The following CDK12 variants were observed in gnomAD, a reference collection of about 807,000 sequenced individuals.
CDK12 encodes cyclin-dependent kinase 12.
Under a neutral mutation model 133.8 loss-of-function variants are expected in CDK12, and 17 were observed. The observed-to-expected ratio is 0.13, with a 90% CI of 0.09 to 0.19. The LOEUF (loss-of-function observed/expected upper bound fraction) is 0.19, where lower values mean the gene tolerates loss of function less well. CDK12 is among the 10% of genes least tolerant of loss of function. The probability of loss-of-function intolerance (pLI) is 1.00; values close to 1 mark genes in which losing one functional copy is unlikely to be tolerated. For synonymous variants in CDK12, 694 were observed against 683.6 expected, an observed-to-expected ratio of 1.02 and a Z score of -0.24; for missense variants, 1,508 against 1,818.7, an observed-to-expected ratio of 0.83 and a Z score of 3.11.
At chr17:39,472,659 A>T (rs1422776990) in intron 2 of CDK12, among the ~76,000 whole-genome samples, 1 of 152,078 alleles carries the variant, frequency 6.6e-6, no homozygotes, top group Non-Finnish European at 1.5e-5. Context: ...TGTGGATATC[A>T]TGACACTTTA....
At chr17:39,499,396 T>A (rs2052548891) in intron 5 of CDK12, among the ~76,000 whole-genome samples, 2 of 150,394 alleles carry the variant, frequency 1.3e-5, no homozygotes, top group African/African-American at 4.9e-5. Context: ...TTTAGCAGAG[T>A]TAGGGTTTCA....
At chr17:39,530,537 G>T in intron 13 of CDK12, 67 bp from the exon 14 acceptor site, 1 of 1,513,500 alleles carries the variant, frequency 6.6e-7, no homozygotes, top group South Asian at 1.3e-5. Context: ...TGCACAGTGT[G>T]TGTGTTTGTG....
upstream of CDK12, chr17:39,546,570 C>T (rs896478872): frequency 6.6e-6 from 1 of 152,234 alleles, no homozygotes; most frequent in African/African-American, 2.4e-5. Flanking sequence ...TAGGGCAGTT[C>T]TGTCCCTTCT....
chr17:39,473,133 C>T (rs1219710997), intron 2 of CDK12, among the ~76,000 whole-genome samples: 3 of 151,712 alleles, frequency 2.0e-5, no homozygotes, highest in Non-Finnish European at 2.9e-5. Flanking sequence ...CCAGTAGCCC[C>T]CAAAATGTCT....
At position 39,532,470 on chromosome 17, in the gene CDK12, A is replaced by G. The variant is rs1025889878; in HGVS notation, c.*1154A>G. The stretch of plus-strand genomic sequence containing the variant: ...ACATATATTTTTATGTCAAAAAAAA[A>G]ACAAAAACCTTTCAAACAGAGCATT... On this transcript the variant is annotated 3_prime_UTR_variant, in exon 14 of 14. Coordinates refer to ENST00000447079, the MANE Select transcript of CDK12 (RefSeq NM_016507.4). 8.6e-6 allele frequency: 2 copies of G among 232,154 alleles called. No homozygotes were observed. The highest frequency in any genetic ancestry group is 1.7e-5 in the Non-Finnish European group (2 of 117,346). 14.4% of individuals were successfully genotyped at this position (232,154 alleles called of 1,614,324 possible). A position where few individuals can be genotyped will look rare whatever the true frequency, so the allele number is the denominator to read the frequency against.
chr17:39,520,491 A>G (rs1313765134), intron 11 of CDK12, among the ~76,000 whole-genome samples: 1 of 152,078 alleles, frequency 6.6e-6, no homozygotes, highest in East Asian at 1.9e-4. Flanking sequence ...GCAGGGTTCA[A>G]GCGATTCTCC....
At chr17:39,539,342 T>C (rs2055302423), downstream of CDK12, among the ~76,000 whole-genome samples, 1 of 152,366 alleles carries the variant, frequency 6.6e-6, no homozygotes, top group South Asian at 2.1e-4. Context: ...AGGAGATAAA[T>C]TCCTTTGGTG....
At chr17:39,522,293 G>T (rs1443718506) in intron 11 of CDK12, among the ~76,000 whole-genome samples, 1 of 151,924 alleles carries the variant, frequency 6.6e-6, no homozygotes, top group African/African-American at 2.4e-5. Flanking sequence ...CACCATATTG[G>T]TGAGACTGGT....
chr17:39,474,886 T>C (rs964060596), intron 2 of CDK12, among the ~76,000 whole-genome samples: 10 of 149,498 alleles, frequency 6.7e-5, no homozygotes, highest in African/African-American at 2.5e-4. Flanking sequence ...CAGGCTGGAG[T>C]GCAATGGCGC....
At chr17:39,560,420 A>G (rs2056332300) in intron 3 of CDK12, among the ~76,000 whole-genome samples, 1 of 152,178 alleles carries the variant, frequency 6.6e-6, no homozygotes, top group African/African-American at 2.4e-5. Flanking sequence ...TAATTATTAA[A>G]CTTCTTAATT....
intron 3 of CDK12, among the ~76,000 whole-genome samples, chr17:39,563,273 G>A (rs1597736470): frequency 6.6e-6 from 1 of 152,142 alleles, no homozygotes; most frequent in Non-Finnish European, 1.5e-5. Flanking sequence ...GTGTGTGTAA[G>A]CGAGGCAGGG....
chr17:39,530,512 G>A, intron 13 of CDK12, 92 bp from the exon 14 acceptor site: 1 of 1,474,362 alleles, frequency 6.8e-7, no homozygotes, highest in Non-Finnish European at 9.0e-7. Context: ...TACTTATATT[G>A]ATATTTGTTT....
At position 39,524,894 on chromosome 17, in the gene CDK12, C is replaced by T; in HGVS notation, c.3307+9C>T. On this transcript the variant is annotated intron_variant, in intron 12 of 13. Coordinates refer to ENST00000447079, the MANE Select transcript of CDK12 (RefSeq NM_016507.4). Reference sequence around the variant, plus strand: ...GGCTGGGGATGCAATAGGTCAGTGCCAGAATGGGGCCTTTGTGCTTTTGCT... The same window carrying T: ...GGCTGGGGATGCAATAGGTCAGTGCTAGAATGGGGCCTTTGTGCTTTTGCT... 6.2e-7 allele frequency: 1 copy of T among 1,600,852 alleles called. No individual in the cohort carries two copies. Among genetic ancestry groups the T allele is most frequent in the Non-Finnish European group, 8.5e-7 (1 of 1,171,656 alleles).
chr17:39,481,671 T>C (rs1597983388), intron 2 of CDK12, among the ~76,000 whole-genome samples: 2 of 20,758 alleles, frequency 9.6e-5, no homozygotes, highest in African/African-American at 2.3e-4. Flanking sequence ...TCTCTCTCTC[T>C]CTCTCTCTCT....
At chr17:39,525,772 T>C (rs1252158983) in intron 12 of CDK12, 92 bp from the exon 13 acceptor site, 1 of 875,610 alleles carries the variant, frequency 1.1e-6, no homozygotes, top group Non-Finnish European at 1.8e-6. Context: ...TTTCATTTTT[T>C]GGATATTGTA....
chr17:39,500,485 T>G (rs1223455156), intron 5 of CDK12, among the ~76,000 whole-genome samples: 1 of 151,914 alleles, frequency 6.6e-6, no homozygotes, highest in African/African-American at 2.4e-5. Flanking sequence ...ATACAAAAAT[T>G]AGCCGGGTGT....
At chr17:39,542,671 C>T (rs1385500625) in intron 1 of CDK12, among the ~76,000 whole-genome samples, 8 of 151,668 alleles carry the variant, frequency 5.3e-5, no homozygotes, top group African/African-American at 2.4e-5. Context: ...CCACCATGCC[C>T]GGCTAATTTT....
At chr17:39,484,484 C>T (rs933374410) in intron 2 of CDK12, among the ~76,000 whole-genome samples, 1 of 152,078 alleles carries the variant, frequency 6.6e-6, no homozygotes, top group African/African-American at 2.4e-5. Context: ...TACTGAGTGT[C>T]CTATGCTAAA....
intron 13 of CDK12, among the ~76,000 whole-genome samples, chr17:39,528,150 C>A (rs1273997861): frequency 3.3e-5 from 5 of 151,774 alleles, no homozygotes; most frequent in Admixed American, 1.3e-4. Context: ...GAACTGCCGA[C>A]CTCTGGTGAT....
Sources: gnomAD v4.1 joint callset for allele counts (sites outside exome capture counted in the v4.1 genomes callset) on GRCh38, gnomAD v4.1.1 for gene constraint, MANE v1.5 for transcripts, NCBI Gene and HGNC (gene_info 2026-07-23, HGNC 2026-07-21) for gene names.